Variants in LIMA1 observed in about 807,000 individuals in gnomAD.
The protein encoded by LIMA1 is LIM domain and actin-binding protein 1.
In LIMA1, 52 loss-of-function variants were observed where a neutral mutation model predicts 62.6. The observed-to-expected ratio is 0.83, with a 90% CI of 0.67 to 1.05. LIMA1 has a LOEUF of 1.05. Among genes scored for constraint, LIMA1 ranks in the 50% least tolerant of loss-of-function variants. The pLI, the probability that LIMA1 is intolerant of heterozygous loss-of-function variation, is 0.00. For synonymous variants in LIMA1, 302 were observed against 317.8 expected (o/e 0.95, Z 0.53); for missense variants, 780 against 902.2 (o/e 0.86, Z 1.74).
chr12:50,281,524 A>C (rs2138722263), intron 1 of LIMA1, among the ~76,000 whole-genome samples: 1 of 152,288 alleles, frequency 6.6e-6, no homozygotes, highest in Middle Eastern at 3.4e-3. Flanking sequence ...TTATACAATG[A>C]GGTAATTTTT....
chr12:50,265,389 G>A (rs989963229), intron 1 of LIMA1, among the ~76,000 whole-genome samples: 1 of 151,734 alleles, frequency 6.6e-6, no homozygotes, highest in African/African-American at 2.4e-5. Flanking sequence ...GCGTGGTGGC[G>A]CATGCCTGTA....
intron 9 of LIMA1, among the ~76,000 whole-genome samples, chr12:50,183,916 T>C (rs1565827811): frequency 6.7e-6 from 1 of 148,504 alleles, no homozygotes; most frequent in Non-Finnish European, 1.5e-5. Flanking sequence ...AAAATAAAAA[T>C]GGTTTTCCAA....
At chr12:50,205,425 C>T (rs761041023) in intron 5 of LIMA1, among the ~76,000 whole-genome samples, 1 of 151,974 alleles carries the variant, frequency 6.6e-6, no homozygotes, top group East Asian at 1.9e-4. Context: ...GATCTCAATG[C>T]TTTTTAATTT....
chr12:50,254,667 T>C (rs1218303239), intron 1 of LIMA1, among the ~76,000 whole-genome samples: 1 of 152,186 alleles, frequency 6.6e-6, no homozygotes, highest in African/African-American at 2.4e-5. Flanking sequence ...CCTCAAGCTG[T>C]TGCTTACGGT....
chr12:50,212,037 A>G (rs1941266495), intron 4 of LIMA1, among the ~76,000 whole-genome samples: 1 of 152,230 alleles, frequency 6.6e-6, no homozygotes, highest in African/African-American at 2.4e-5. Context: ...CATCCCTTAA[A>G]TATTCTCTGT....
intron 1 of LIMA1, among the ~76,000 whole-genome samples, chr12:50,271,138 G>T (rs1346753368): frequency 6.6e-6 from 1 of 151,534 alleles, no homozygotes; most frequent in Non-Finnish European, 1.5e-5. Context: ...AGGTGCTGTG[G>T]CTTACGCCTG....
At chr12:50,186,528 C>T (rs1940634257) in intron 9 of LIMA1, 1 of 152,636 alleles carries the variant, frequency 6.6e-6, no homozygotes. Flanking sequence ...ATAGATTATC[C>T]CTCATAAAGG....
Position 50,259,662 on chromosome 12 carries a change from A to G in LIMA1, c.-23-10888T>C, listed in dbSNP as rs878858737. 3.9e-5 allele frequency among the ~76,000 whole-genome samples: 6 copies of G among 152,220 alleles called. 1 individual carries two copies. Among genetic ancestry groups the G allele is most frequent in the Admixed American group, 3.9e-4 (6 of 15,276 alleles). On this transcript the variant is annotated intron_variant, in intron 1 of 10. Transcript: ENST00000341247. ...TAAATAAAAAGCTCACTACTCTATT[A>G]TTCAGAAACATGATGATAGACAAGT...
intron 6 of LIMA1, among the ~76,000 whole-genome samples, chr12:50,202,431 C>T (rs1313265281): frequency 1.3e-5 from 2 of 152,016 alleles, no homozygotes; most frequent in Non-Finnish European, 2.9e-5. Context: ...CATAGGGAGT[C>T]ACCTGGTGGG....
intron 2 of LIMA1, among the ~76,000 whole-genome samples, chr12:50,233,379 T>G (rs1188209979): frequency 6.6e-6 from 1 of 151,492 alleles, no homozygotes; most frequent in Non-Finnish European, 1.5e-5. Context: ...ACATATACAT[T>G]TCCCCTCCCA....
chr12:50,250,838 T>A (rs901123081), intron 1 of LIMA1, among the ~76,000 whole-genome samples: 6 of 152,190 alleles, frequency 3.9e-5, no homozygotes, highest in African/African-American at 1.4e-4. Context: ...AAACTTGGAT[T>A]TCTCATCCAT....
intron 4 of LIMA1, among the ~76,000 whole-genome samples, chr12:50,211,469 C>A (rs1490165545): frequency 2.7e-5 from 4 of 148,708 alleles, no homozygotes; most frequent in Non-Finnish European, 5.9e-5. Context: ...ATGGTGAGAC[C>A]CTGTCTCTGC....
intron 7 of LIMA1, among the ~76,000 whole-genome samples, chr12:50,197,766 A>G (rs1273196776): frequency 1.3e-5 from 2 of 151,888 alleles, no homozygotes; most frequent in African/African-American, 4.8e-5. Context: ...AAAGATGGGG[A>G]TATTTCAATG....
At chr12:50,245,496 G>C (rs1565856888) in intron 2 of LIMA1, among the ~76,000 whole-genome samples, 1 of 151,856 alleles carries the variant, frequency 6.6e-6, no homozygotes, top group Non-Finnish European at 1.5e-5. Flanking sequence ...TGTGGACCCA[G>C]TGATCCTTTA....
At chr12:50,225,330 T>C (rs1002595725) in intron 3 of LIMA1, among the ~76,000 whole-genome samples, 1 of 152,180 alleles carries the variant, frequency 6.6e-6, no homozygotes, top group Admixed American at 6.6e-5. Flanking sequence ...CCGACATGAA[T>C]AGATGCTGTA....
chr12:50,234,751 C>A (rs1941663783), intron 2 of LIMA1, among the ~76,000 whole-genome samples: 1 of 152,148 alleles, frequency 6.6e-6, no homozygotes, highest in Non-Finnish European at 1.5e-5. Context: ...CAGTGGCTCA[C>A]ACCTGTAATC....
At chr12:50,263,128 T>C (rs960556588) in intron 1 of LIMA1, among the ~76,000 whole-genome samples, 1 of 152,238 alleles carries the variant, frequency 6.6e-6, no homozygotes, top group Admixed American at 6.5e-5. Context: ...AATTGAGTTA[T>C]TCTCATTCTT....
intron 1 of LIMA1, among the ~76,000 whole-genome samples, chr12:50,257,885 C>T (rs1333579956): frequency 1.3e-5 from 2 of 152,206 alleles, no homozygotes; most frequent in African/African-American, 2.4e-5. Flanking sequence ...TGAGCCACCA[C>T]GTCCAGCCCA....
chr12:50,257,390 G>A (rs975030916), intron 1 of LIMA1, among the ~76,000 whole-genome samples: 4 of 152,172 alleles, frequency 2.6e-5, no homozygotes, highest in African/African-American at 7.2e-5. Flanking sequence ...TACCACTGGA[G>A]GCTATATGAG....
Sources: allele counts gnomAD v4.1 joint callset (sites outside exome capture counted in the v4.1 genomes callset), GRCh38; gene constraint gnomAD v4.1.1; transcripts MANE v1.5; gene names NCBI Gene and HGNC (gene_info 2026-07-23, HGNC 2026-07-21).